Variants in TNFSF4 observed in about 807,000 individuals in gnomAD.
TNFSF4 encodes tumor necrosis factor ligand superfamily member 4.
A neutral mutation model predicts 7.3 loss-of-function variants in TNFSF4; 4 were observed. The ratio of observed to expected loss-of-function variants is 0.55; its 90% CI spans 0.27 to 1.25. TNFSF4 has a LOEUF of 1.25. Among genes scored for constraint, TNFSF4 ranks in the 50% most tolerant of loss-of-function variants. The pLI, the probability that TNFSF4 is intolerant of heterozygous loss-of-function variation, is 0.12. For missense variants in TNFSF4, 181 were observed against 208.8 expected (o/e 0.87, Z 0.82); for synonymous variants, 76 against 83.7 (o/e 0.91, Z 0.50).
chr1:173,217,825 C>T, the TNFSF4 span, among the ~76,000 whole-genome samples: 1 of 152,108 alleles, frequency 6.6e-6, no homozygotes, highest in Non-Finnish European at 1.5e-5. Context: ...TCACGACTCA[C>T]TGCAGCCTTG....
chr1:173,233,944 A>C, the TNFSF4 span, among the ~76,000 whole-genome samples: 1 of 152,160 alleles, frequency 6.6e-6, no homozygotes, highest in Non-Finnish European at 1.5e-5. Context: ...AAAATTGACA[A>C]ATGGGATCTA....
intron 1 of TNFSF4, among the ~76,000 whole-genome samples, chr1:173,200,483 CA>C (rs1184971813): frequency 6.6e-6 from 1 of 152,206 alleles, no homozygotes; most frequent in Non-Finnish European, 1.5e-5. Context: ...GCACCATATA[CA>C]GGGCCAGATT....
At chr1:173,238,833 G>C in the TNFSF4 span, among the ~76,000 whole-genome samples, 13 of 151,792 alleles carry the variant, frequency 8.6e-5, no homozygotes, top group African/African-American at 3.1e-4. Context: ...TCATTGTGGA[G>C]TGAACTCAGT....
chr1:173,370,345 G>C, the TNFSF4 span, among the ~76,000 whole-genome samples: 1 of 152,174 alleles, frequency 6.6e-6, no homozygotes, highest in Non-Finnish European at 1.5e-5. Flanking sequence ...CCGAAGAAAG[G>C]GGAGAATTCT....
chr1:173,318,336 C>T, the TNFSF4 span, among the ~76,000 whole-genome samples: 3 of 152,038 alleles, frequency 2.0e-5, no homozygotes, highest in Non-Finnish European at 4.4e-5. Flanking sequence ...GAGACATATA[C>T]TATAAAATCT....
chr1:173,196,167 C>T lies in TNFSF4; in HGVS notation c.154-7598G>A, dbSNP rs571869690. On this transcript the variant is annotated intron_variant, in intron 1 of 2. Transcript: ENST00000281834. ...AAAGATGAGCCCTGACTTCTGATCACGGAAGTTCAGAATTCCACCTAGAGA... is the reference window on the plus strand; with the variant it reads ...AAAGATGAGCCCTGACTTCTGATCATGGAAGTTCAGAATTCCACCTAGAGA... Among the ~76,000 whole-genome samples, 50 of 152,158 alleles carry T rather than the reference C, an allele frequency of 3.3e-4. 1 individual carries two copies. Among genetic ancestry groups the T allele is most frequent in the Middle Eastern group, 3.4e-3 (1 of 294 alleles).
the TNFSF4 span, among the ~76,000 whole-genome samples, chr1:173,220,852 G>A: frequency 2.6e-5 from 4 of 152,020 alleles, no homozygotes; most frequent in East Asian, 3.8e-4. Context: ...CTGAACTGAC[G>A]AAGACAATTA....
At chr1:173,244,617 G>A in the TNFSF4 span, among the ~76,000 whole-genome samples, 1 of 145,852 alleles carries the variant, frequency 6.9e-6, no homozygotes, top group Non-Finnish European at 1.5e-5. Flanking sequence ...ACTCCAGCCT[G>A]GGCGACAGAG....
At chr1:173,214,997 C>T in the TNFSF4 span, among the ~76,000 whole-genome samples, 21 of 152,208 alleles carry the variant, frequency 1.4e-4, no homozygotes, top group African/African-American at 4.8e-4. Context: ...CTGCAACCCC[C>T]GACCCCAAAT....
chr1:173,175,025 A>T, the TNFSF4 span: 1 of 152,158 alleles, frequency 6.6e-6, no homozygotes, highest in African/African-American at 2.4e-5. Flanking sequence ...GTTTTCTGTG[A>T]AGTAAGATCC....
chr1:173,248,439 G>C, the TNFSF4 span, among the ~76,000 whole-genome samples: 1 of 145,162 alleles, frequency 6.9e-6, no homozygotes, highest in African/African-American at 2.6e-5. Context: ...GAAAGAAAGA[G>C]AGGAGAAAGA....
chr1:173,414,009 G>C, the TNFSF4 span, among the ~76,000 whole-genome samples: 1 of 152,168 alleles, frequency 6.6e-6, no homozygotes, highest in African/African-American at 2.4e-5. Flanking sequence ...CACATGACAG[G>C]AGGAAAGGGG....
intron 1 of TNFSF4, among the ~76,000 whole-genome samples, chr1:173,193,008 A>C (rs533165862): frequency 1.3e-5 from 2 of 152,354 alleles, no homozygotes; most frequent in Admixed American, 1.3e-4. Context: ...AATACTATAT[A>C]AACTATATGA....
chr1:173,214,893 T>C, the TNFSF4 span, among the ~76,000 whole-genome samples: 3 of 152,164 alleles, frequency 2.0e-5, no homozygotes, highest in Non-Finnish European at 2.9e-5. Flanking sequence ...CACAACAGCA[T>C]TGGGAGTTAA....
the TNFSF4 span, among the ~76,000 whole-genome samples, chr1:173,310,573 T>C: frequency 1.3e-4 from 20 of 151,842 alleles, no homozygotes; most frequent in Non-Finnish European, 2.7e-4. Context: ...TTCTTAAAAG[T>C]GTAGGCTCGT....
chr1:173,278,125 C>G, the TNFSF4 span, among the ~76,000 whole-genome samples: 1 of 151,964 alleles, frequency 6.6e-6, no homozygotes, highest in Non-Finnish European at 1.5e-5. Context: ...TTCTTTTTTC[C>G]CAGCCTTTTC....
At chr1:173,279,747 A>C in the TNFSF4 span, among the ~76,000 whole-genome samples, 2 of 152,064 alleles carry the variant, frequency 1.3e-5, no homozygotes, top group African/African-American at 4.8e-5. Context: ...GGTATTTCTC[A>C]TACCCATTCC....
the TNFSF4 span, among the ~76,000 whole-genome samples, chr1:173,289,294 T>C: frequency 6.6e-6 from 1 of 151,880 alleles, no homozygotes; most frequent in Middle Eastern, 3.2e-3. Flanking sequence ...TATATAGAAA[T>C]GTAAGAGACA....
At chr1:173,309,502 G>A in the TNFSF4 span, among the ~76,000 whole-genome samples, 1 of 151,554 alleles carries the variant, frequency 6.6e-6, no homozygotes, top group Non-Finnish European at 1.5e-5. Flanking sequence ...TGATTGATTT[G>A]AAAACCAATC....
Sources: gnomAD v4.1 joint callset for allele counts (sites outside exome capture counted in the v4.1 genomes callset) on GRCh38, gnomAD v4.1.1 for gene constraint, MANE v1.5 for transcripts, NCBI Gene and HGNC (gene_info 2026-07-23, HGNC 2026-07-21) for gene names.